MYO1B: variants seen among roughly 807,000 people sequenced by gnomAD.
MYO1B encodes the protein myosin IB, also known as unconventional myosin-Ib.
Under a neutral mutation model 159.7 loss-of-function variants are expected in MYO1B, and 72 were observed. The ratio of observed to expected loss-of-function variants is 0.45; its 90% CI spans 0.37 to 0.55. The LOEUF is 0.55. MYO1B is among the 20% of genes least tolerant of loss of function. MYO1B has a pLI of 0.00. For missense variants in MYO1B, 1,062 were observed against 1,364.8 expected (o/e 0.78, Z 3.50); for synonymous variants, 468 against 473.8 (o/e 0.99, Z 0.16).
chr2:191,362,428 G>C (rs758701634), intron 9 of MYO1B, 57 bp downstream of exon 9: 5 of 1,293,840 alleles, frequency 3.9e-6, no homozygotes, highest in Non-Finnish European at 5.5e-6. Flanking sequence ...TTGCTCAGCG[G>C]GAGCTGGTAG....
intron 21 of MYO1B, among the ~76,000 whole-genome samples, chr2:191,397,171 AT>A (rs1297805798): frequency 2.6e-5 from 1 of 38,934 alleles, no homozygotes; most frequent in Non-Finnish European, 5.8e-5. Context: ...GGTGGGATGT[AT>A]TTTTTTTATT....
intron 20 of MYO1B, among the ~76,000 whole-genome samples, 161 bp downstream of exon 20, chr2:191,393,383 T>C (rs1195023978): frequency 6.6e-6 from 1 of 152,194 alleles, no homozygotes; most frequent in Non-Finnish European, 1.5e-5. Flanking sequence ...ATGAGAAAAC[T>C]AAGACACAAA....
rs144997258 is a variant in MYO1B, at chr2:191,285,184, T to C, written c.135+8154T>C. 2.6e-5 allele frequency among the ~76,000 whole-genome samples: 4 copies of C among 152,304 alleles called. No individual in the cohort carries two copies. In the East Asian group the frequency reaches 7.7e-4, roughly 29 times the overall value. On this transcript the variant is annotated intron_variant, in intron 2 of 30. Transcript: ENST00000392318. ...TATTAAGTCTGGAGAATGGTATATATTTGGAAAATACTTGTCTCGTGACAC... is the reference window on the plus strand; with the variant it reads ...TATTAAGTCTGGAGAATGGTATATACTTGGAAAATACTTGTCTCGTGACAC...
Position 191,325,084 on chromosome 2 carries a change from A to G in MYO1B, c.252-4851A>G, listed in dbSNP as rs533462087. 1.7e-3 allele frequency among the ~76,000 whole-genome samples: 266 copies of G among 152,186 alleles called. 1 individual carries two copies. Among genetic ancestry groups the G allele is most frequent in the African/African-American group, 5.7e-3 (235 of 41,538 alleles). On this transcript the variant is annotated intron_variant, in intron 3 of 30. Transcript: ENST00000392318. ...TTCCATGTCCTTGTGGACCACCTCA[A>G]TCCTGATTGGGCTTAGCGTGAAGTT...
At chr2:191,251,489 C>T (rs1686112573) in intron 1 of MYO1B, among the ~76,000 whole-genome samples, 1 of 152,186 alleles carries the variant, frequency 6.6e-6, no homozygotes, top group South Asian at 2.1e-4. Context: ...ATGCAAGGGG[C>T]CTGTCTTTCC....
chr2:191,349,950 T>TG (rs1692805474), intron 6 of MYO1B, among the ~76,000 whole-genome samples: 1 of 152,164 alleles, frequency 6.6e-6, no homozygotes, highest in African/African-American at 2.4e-5. Context: ...AAATTAGCAG[T>TG]GGGTTATATT....
chr2:191,401,102 A>C (rs994511849), intron 23 of MYO1B, among the ~76,000 whole-genome samples: 1 of 152,104 alleles, frequency 6.6e-6, no homozygotes, highest in Non-Finnish European at 1.5e-5. Flanking sequence ...AACAACTCTT[A>C]AATAACATGC....
rs560806110 is a variant in MYO1B at position 191,263,446 on chromosome 2, A to T, written c.-9-13441A>T. 18 of 534,744 alleles carry T rather than the reference A, an allele frequency of 3.4e-5. No individual in the cohort carries two copies. The Middle Eastern group carries it at 2.9e-3, about 85-fold the overall frequency. 33.1% of individuals were successfully genotyped at this position (534,744 alleles called of 1,614,324 possible). On this transcript the variant is annotated intron_variant, in intron 1 of 30. Coordinates refer to ENST00000392318, the MANE Select transcript of MYO1B (RefSeq NM_001130158.3). ...CTTATAATTTTGTCATTTAAAAAGA[A>T]CTCTAGTTTTTCTACCCACCTATTG...
At chr2:191,246,537 T>TA (rs1401633698) in intron 1 of MYO1B, among the ~76,000 whole-genome samples, 2 of 137,760 alleles carry the variant, frequency 1.5e-5, no homozygotes, top group Non-Finnish European at 3.1e-5. Context: ...TCTTCTTAGT[T>TA]ACAGTGAAAG....
At position 191,368,531 on chromosome 2, in the gene MYO1B, T is replaced by G. The variant is rs147296939; in HGVS notation, c.1033-1011T>G. ...AACCTGACTTTCTTCGGCCTTTGGA[T>G]TCTAAGAGTCATAGAGATGCATATG... On this transcript the variant is annotated intron_variant, in intron 11 of 30. Coordinates refer to ENST00000392318, the MANE Select transcript of MYO1B (RefSeq NM_001130158.3). Among the ~76,000 whole-genome samples, 6 of 152,342 alleles carry G rather than the reference T, an allele frequency of 3.9e-5. No homozygotes were observed. In the East Asian group the frequency reaches 1.2e-3, roughly 29 times the overall value.
At chr2:191,393,273 C>G (rs751897500) in intron 20 of MYO1B, 51 bp downstream of exon 20, 2 of 1,590,840 alleles carry the variant, frequency 1.3e-6, no homozygotes, top group Non-Finnish European at 8.6e-7. Context: ...AATTTGCCAA[C>G]ATTTATTATG....
At chr2:191,410,398 A>T (rs1574638362) in intron 26 of MYO1B, among the ~76,000 whole-genome samples, 1 of 152,006 alleles carries the variant, frequency 6.6e-6, no homozygotes. Context: ...CATCTAAAAA[A>T]CCTGGCCCTG....
Position 191,296,150 on chromosome 2 carries a change from C to T in MYO1B, c.175C>T (p.Arg59Trp), listed in dbSNP as rs767678797. 91 of 1,607,964 alleles carry T rather than the reference C, an allele frequency of 5.7e-5. No individual in the cohort carries two copies. The highest frequency in any genetic ancestry group is 7.3e-5 in the Non-Finnish European group (86 of 1,176,176). Reference protein sequence around the residue: ...GSVVISVNPYRSLPIYSPEKV... With the variant: ...GSVVISVNPYWSLPIYSPEKV... ...TGTGGTTATATCTGTTAACCCATAC[C>T]GGTCTTTACCCATTTATTCACCAGA... The change falls in exon 3 of 31, where the codon CGG becomes TGG. Residue 59 changes from arginine to tryptophan, a missense_variant. Around this residue, in one of 5 missense-constraint regions of MYO1B, gnomAD observed 415 missense variants for 544.0 expected, o/e 0.76. Coordinates refer to ENST00000392318, the MANE Select transcript of MYO1B (RefSeq NM_001130158.3).
rs1688818144 is a variant in MYO1B at position 191,293,793 on chromosome 2, A to G, written c.136-2318A>G. Among the ~76,000 whole-genome samples, 4 of 152,258 alleles carry G rather than the reference A, an allele frequency of 2.6e-5. No homozygotes were observed. The East Asian group carries it at 7.7e-4, about 29-fold the overall frequency. ...CTCATCCTGTGATGTAGAATGCATA[A>G]TCATCTGGGAATGCAGCTCAGTAGG... On this transcript the variant is annotated intron_variant, in intron 2 of 30. Coordinates refer to ENST00000392318, the MANE Select transcript of MYO1B (RefSeq NM_001130158.3).
chr2:191,285,977 T>C (rs530426381), intron 2 of MYO1B, among the ~76,000 whole-genome samples: 2 of 152,328 alleles, frequency 1.3e-5, no homozygotes, highest in East Asian at 3.9e-4. Context: ...CAAGTCACTG[T>C]TCTCCGTCCT....
At chr2:191,275,197 C>A (rs60479498) in intron 1 of MYO1B, among the ~76,000 whole-genome samples, 56,400 of 152,060 alleles carry the variant, frequency 0.37, 10,736 homozygotes, top group Middle Eastern at 0.52. Flanking sequence ...AGCCACCGCA[C>A]CTGGCCTATC....
chr2:191,373,724 A>C (rs1172146512), intron 13 of MYO1B, among the ~76,000 whole-genome samples: 1 of 152,178 alleles, frequency 6.6e-6, no homozygotes, highest in Admixed American at 6.5e-5. Flanking sequence ...ACTCCGTTTA[A>C]ACAGAACTTT....
intron 30 of MYO1B, among the ~76,000 whole-genome samples, chr2:191,423,196 G>A (rs529920870): frequency 2.0e-5 from 3 of 152,282 alleles, no homozygotes; most frequent in East Asian, 3.9e-4. Context: ...TTACACAAAC[G>A]TAGATGGTAT....
chr2:191,345,465 G>A (rs1692508234), intron 5 of MYO1B, among the ~76,000 whole-genome samples: 1 of 152,172 alleles, frequency 6.6e-6, no homozygotes, highest in Non-Finnish European at 1.5e-5. Flanking sequence ...TGTTCCCTGT[G>A]TTAAACAAGA....
Sources: gnomAD v4.1 joint callset for allele counts (sites outside exome capture counted in the v4.1 genomes callset) on GRCh38, gnomAD v4.1.1 for gene constraint, gnomAD v4.1.1 regional missense constraint, MANE v1.5 for transcripts, NCBI Gene and HGNC (gene_info 2026-07-23, HGNC 2026-07-21) for gene names.